DTNBP1: variants seen among roughly 807,000 people sequenced by gnomAD.
The protein encoded by DTNBP1 is dystrobrevin binding protein 1, also known as dysbindin.
A neutral mutation model predicts 42.8 loss-of-function variants in DTNBP1; 35 were observed. That is an observed-to-expected ratio of 0.82 (90% CI 0.63 to 1.09). The LOEUF is 1.09. DTNBP1 is among the 50% of genes least tolerant of loss of function. The pLI is 0.00. For synonymous variants in DTNBP1, 171 were observed against 162.2 expected, an observed-to-expected ratio of 1.05 and a Z score of -0.41; for missense variants, 457 against 424.2, an observed-to-expected ratio of 1.08 and a Z score of -0.68.
Position 15,533,266 on chromosome 6 carries a change from C to T in DTNBP1, c.641G>A (p.Gly214Asp), listed in dbSNP as rs16876589. Residue 214 changes from glycine to aspartate, a missense_variant, in exon 8 of 10, where the codon GGC becomes GAC. Physicochemically the swap from Gly to Asp is moderately conservative, Grantham distance 94 (BLOSUM62 -1). Coordinates refer to ENST00000344537, the MANE Select transcript of DTNBP1 (RefSeq NM_032122.5). ...QQDMEQYLST[G>D]YLQIAERREP... is the part of the protein sequence containing the mutation. ...TCGCCGCTCTGCAATCTGCAGGTAG[C>T]CAGTGGACAGGTACTGCTCCATGTC... 5.6e-6 allele frequency: 9 copies of T among 1,614,140 alleles called. No individual in the cohort carries two copies. In the East Asian group the frequency reaches 1.8e-4, roughly 32 times the overall value.
chr6:15,640,323 A>C (rs553060310), intron 3 of DTNBP1, among the ~76,000 whole-genome samples: 1 of 152,142 alleles, frequency 6.6e-6, no homozygotes, highest in Non-Finnish European at 1.5e-5. Context: ...AACTTACTCC[A>C]TTTTACTGAG....
chr6:15,536,439 G>T (rs1005121250), intron 7 of DTNBP1, among the ~76,000 whole-genome samples: 1 of 152,220 alleles, frequency 6.6e-6, no homozygotes, highest in East Asian at 1.9e-4. Context: ...AACTACAGCC[G>T]TGGCTAAAAG....
chr6:15,624,082 G>A (rs1426333298), intron 5 of DTNBP1, among the ~76,000 whole-genome samples: 2 of 152,240 alleles, frequency 1.3e-5, no homozygotes, highest in Non-Finnish European at 2.9e-5. Context: ...GAGTCTGTAC[G>A]CAGTGCGTGG....
At position 15,522,991 on chromosome 6, in the gene DTNBP1, T is replaced by C; in HGVS notation, c.1040A>G (p.Glu347Gly). 1.9e-6 allele frequency: 3 copies of C among 1,614,236 alleles called. No individual in the cohort carries two copies. The highest frequency in any genetic ancestry group is 1.3e-5 in the African/African-American group (1 of 75,062). ...TDREATPDGG[E>G]DSDS ...TGTCCCAATTTAAGAGTCGCTGTCC[T>C]CACCACCATCCGGAGTGGCCTCTCT... is the stretch of plus-strand genomic sequence containing the variant. Residue 347 changes from glutamate (E) to glycine (G), a missense_variant, in exon 10 of 10, where the codon GAG becomes GGG. Coordinates refer to ENST00000344537, the MANE Select transcript of DTNBP1 (RefSeq NM_032122.5).
intron 6 of DTNBP1, chr6:15,595,356 C>T (rs1776476046): frequency 1.1e-5 from 4 of 372,098 alleles, no homozygotes; most frequent in South Asian, 8.2e-5. Context: ...CCTCTGCCTC[C>T]CGGGTTCAAG....
intron 5 of DTNBP1, among the ~76,000 whole-genome samples, chr6:15,618,886 T>C (rs983651186): frequency 7.2e-5 from 11 of 152,370 alleles, no homozygotes; most frequent in African/African-American, 2.4e-4. Context: ...GATGGAATAC[T>C]ATTCAGCTGT....
intron 6 of DTNBP1, among the ~76,000 whole-genome samples, chr6:15,596,839 C>T (rs1776534358): frequency 1.3e-5 from 2 of 152,154 alleles, no homozygotes; most frequent in South Asian, 4.1e-4. Flanking sequence ...CTGTTCTTCT[C>T]CAGTCGACGT....
At chr6:15,598,413 T>G (rs1022630694) in intron 6 of DTNBP1, among the ~76,000 whole-genome samples, 1 of 152,184 alleles carries the variant, frequency 6.6e-6, no homozygotes, top group Non-Finnish European at 1.5e-5. Flanking sequence ...AAACACCAAC[T>G]GCAAATTGCA....
chr6:15,531,153 C>T (rs1009786138), intron 8 of DTNBP1, among the ~76,000 whole-genome samples: 2 of 152,238 alleles, frequency 1.3e-5, no homozygotes, highest in East Asian at 1.9e-4. Flanking sequence ...AAACCGATCG[C>T]GCCAGCATGC....
intron 7 of DTNBP1, among the ~76,000 whole-genome samples, chr6:15,546,270 T>TGGC (rs1156357880): frequency 6.6e-6 from 1 of 152,002 alleles, no homozygotes; most frequent in Non-Finnish European, 1.5e-5. Context: ...TTCATCATGT[T>TGGC]GGTCAGGCTG....
At chr6:15,546,291 C>T (rs1263381492) in intron 7 of DTNBP1, among the ~76,000 whole-genome samples, 2 of 151,946 alleles carry the variant, frequency 1.3e-5, no homozygotes, top group African/African-American at 2.4e-5. Context: ...GTCTCGAACT[C>T]TCTGACCTCG....
chr6:15,639,362 T>C (rs1441416518), intron 3 of DTNBP1, among the ~76,000 whole-genome samples: 2 of 152,256 alleles, frequency 1.3e-5, no homozygotes, highest in Non-Finnish European at 2.9e-5. Flanking sequence ...TGATTGCTGA[T>C]GTAAAACCTG....
chr6:15,650,079 C>T (rs2113804225), intron 3 of DTNBP1, among the ~76,000 whole-genome samples: 1 of 152,052 alleles, frequency 6.6e-6, no homozygotes. Context: ...GATTTAGCAA[C>T]CATAAAAAGA....
Position 15,533,381 on chromosome 6 carries a change from C to G in DTNBP1, c.526G>C (p.Glu176Gln). 1.2e-6 allele frequency: 2 copies of G among 1,614,222 alleles called. No individual in the cohort carries two copies. Among genetic ancestry groups the G allele is most frequent in the Non-Finnish European group, 1.7e-6 (2 of 1,180,046 alleles). The change falls in exon 8 of 10, where the codon GAG becomes CAG. Residue 176 changes from glutamate to glutamine, a missense_variant. Coordinates refer to ENST00000344537, the MANE Select transcript of DTNBP1 (RefSeq NM_032122.5). ...LETFKAELDAEHAQKVLEMEH... is the reference protein window; with the variant it reads ...LETFKAELDAQHAQKVLEMEH... Reference sequence around the variant, plus strand: ...ATTTCCAGGACCTTCTGGGCGTGCTCTGCATCTAGTTCAGCTGAGGAAACA... The same window carrying G: ...ATTTCCAGGACCTTCTGGGCGTGCTGTGCATCTAGTTCAGCTGAGGAAACA...
chr6:15,616,257 G>A (rs963310836), intron 5 of DTNBP1, among the ~76,000 whole-genome samples: 1 of 152,168 alleles, frequency 6.6e-6, no homozygotes, highest in Non-Finnish European at 1.5e-5. Flanking sequence ...TTTCTTATAC[G>A]AAAGAAAAGC....
intron 7 of DTNBP1, among the ~76,000 whole-genome samples, chr6:15,539,321 T>C (rs181211741): frequency 6.6e-6 from 1 of 152,320 alleles, no homozygotes; most frequent in Admixed American, 6.5e-5. Flanking sequence ...CCCACATGTG[T>C]TTACGTGAAG....
chr6:15,542,167 A>C (rs1001724451), intron 7 of DTNBP1, among the ~76,000 whole-genome samples: 5 of 152,228 alleles, frequency 3.3e-5, no homozygotes, highest in Admixed American at 1.3e-4. Context: ...TTGTGATATT[A>C]AAATACATGT....
intron 7 of DTNBP1, among the ~76,000 whole-genome samples, chr6:15,582,973 T>C (rs1775903458): frequency 6.6e-6 from 1 of 152,174 alleles, no homozygotes; most frequent in Non-Finnish European, 1.5e-5. Flanking sequence ...AAATTTCAAA[T>C]GCTGATTCAT....
At chr6:15,597,013 C>T (rs1429474979) in intron 6 of DTNBP1, among the ~76,000 whole-genome samples, 1 of 152,144 alleles carries the variant, frequency 6.6e-6, no homozygotes, top group Non-Finnish European at 1.5e-5. Context: ...TATAAATATC[C>T]ATTTTCGTAT....
Sources: gnomAD v4.1 joint callset for allele counts (sites outside exome capture counted in the v4.1 genomes callset) on GRCh38, gnomAD v4.1.1 for gene constraint, MANE v1.5 for transcripts, NCBI Gene and HGNC (gene_info 2026-07-23, HGNC 2026-07-21) for gene names.